ANO2: variants seen among roughly 807,000 people sequenced by gnomAD.
The protein encoded by ANO2 is anoctamin 2.
Under a neutral mutation model 124.2 loss-of-function variants are expected in ANO2, and 101 were observed. The ratio of observed to expected loss-of-function variants is 0.81; its 90% CI spans 0.69 to 0.96. The LOEUF (loss-of-function observed/expected upper bound fraction) is 0.96, where lower values mean the gene tolerates loss of function less well. ANO2 is among the 40% of genes least tolerant of loss of function. The pLI, the probability that ANO2 is intolerant of heterozygous loss-of-function variation, is 0.00. For synonymous variants in ANO2, 486 were observed against 482.5 expected, an observed-to-expected ratio of 1.01 and a Z score of -0.09; for missense variants, 1,293 against 1,274.5, an observed-to-expected ratio of 1.01 and a Z score of -0.22.
intron 4 of ANO2, among the ~76,000 whole-genome samples, chr12:5,846,403 A>G (rs565949624): frequency 7.2e-4 from 110 of 152,370 alleles, no homozygotes; most frequent in African/African-American, 2.6e-3. Flanking sequence ...GACTACTCCA[A>G]GTTATCTTAG....
intron 10 of ANO2, among the ~76,000 whole-genome samples, chr12:5,794,316 G>C (rs1210734500): frequency 6.6e-6 from 1 of 152,120 alleles, no homozygotes; most frequent in Non-Finnish European, 1.5e-5. Context: ...CTAATTCGTG[G>C]GGCAGAGCAA....
chr12:5,906,794 A>AAAATAAATAAAT (rs551277367), intron 3 of ANO2, among the ~76,000 whole-genome samples: 3 of 151,224 alleles, frequency 2.0e-5, no homozygotes, highest in African/African-American at 7.3e-5. Context: ...ACTCTGTCTC[A>AAAATAAATAAAT]AAATAAATAA....
In ANO2 at chr12:5,644,344, T is replaced by C. The variant is rs543940848; in HGVS notation, c.1620+3383A>G. On this transcript the variant is annotated intron_variant, in intron 15 of 24. Transcript: ENST00000682330. ...GTTCTTGGTTTTCTATTTTGTTCCA[T>C]TGGTCTCATCATCTCTTCTCACAAG... Among the ~76,000 whole-genome samples the C allele has an allele frequency of 2.6e-5, 4 of 152,380 alleles. No individual in the cohort carries two copies. The South Asian group carries it at 8.3e-4, about 32-fold the overall frequency.
chr12:5,827,904 G>T (rs572577939), intron 6 of ANO2, 84 bp from the exon 7 acceptor site: 8 of 1,480,066 alleles, frequency 5.4e-6, no homozygotes, highest in Non-Finnish European at 7.3e-6. Context: ...TGCCTGGCAG[G>T]GGCGGGAGGC....
intron 11 of ANO2, 81 bp from the exon 12 acceptor site, chr12:5,744,398 C>A: frequency 6.7e-7 from 1 of 1,501,694 alleles, no homozygotes; most frequent in Middle Eastern, 1.7e-4. Flanking sequence ...CAAATAGCTC[C>A]CATTTCCAAA....
intron 14 of ANO2, among the ~76,000 whole-genome samples, chr12:5,680,148 T>C (rs1948429327): frequency 6.6e-6 from 1 of 152,000 alleles, no homozygotes; most frequent in Non-Finnish European, 1.5e-5. Flanking sequence ...GTGGTTATGG[T>C]GGGAGGAAGA....
rs575653160 is a variant in ANO2 at position 5,925,384 on chromosome 12, C to T, written c.23-2580G>A. Among the ~76,000 whole-genome samples the T allele has an allele frequency of 1.4e-4, 21 of 152,300 alleles. No individual in the cohort carries two copies. The highest frequency in any genetic ancestry group is 3.9e-4 in the African/African-American group (16 of 41,552). On this transcript the variant is annotated intron_variant, in intron 1 of 24. Transcript: ENST00000682330. The surrounding 1 kb of genome is among the most constrained non-coding windows in gnomAD (Gnocchi z 4.6). The stretch of plus-strand genomic sequence containing the variant: ...CGGCTCGCTCTCTGACACACGGATC[C>T]GGCTGCCTGGGAACTCTGCTTCCCT...
At position 5,563,579 on chromosome 12, in the gene ANO2, C is replaced by T; in HGVS notation, c.2728-11G>A. ...GAACATCACGAGGTTCTGCAAAAAGCCAAGGAGAGAGGGGCTGAGTTGGAG... is the reference window on the plus strand; with the variant it reads ...GAACATCACGAGGTTCTGCAAAAAGTCAAGGAGAGAGGGGCTGAGTTGGAG... On this transcript the variant is annotated splice_polypyrimidine_tract_variant and intron_variant, in intron 24 of 24. Transcript: ENST00000682330. 1 of 1,613,054 alleles carries T rather than the reference C, an allele frequency of 6.2e-7. No individual in the cohort carries two copies. Among genetic ancestry groups the T allele is most frequent in the Non-Finnish European group, 8.5e-7 (1 of 1,179,264 alleles).
intron 10 of ANO2, among the ~76,000 whole-genome samples, chr12:5,778,691 G>A (rs1952300087): frequency 6.6e-6 from 1 of 152,192 alleles, no homozygotes; most frequent in Admixed American, 6.5e-5. Context: ...CTCAAACCAA[G>A]ACCAGTTCCA....
At chr12:5,845,307 C>T (rs1954647881) in intron 4 of ANO2, among the ~76,000 whole-genome samples, 1 of 151,700 alleles carries the variant, frequency 6.6e-6, no homozygotes, top group African/African-American at 2.4e-5. Context: ...GTGGCTCACG[C>T]CTGTAATCCC....
At chr12:5,841,222 C>CAGCG (rs1954503676) in intron 4 of ANO2, among the ~76,000 whole-genome samples, 1 of 152,204 alleles carries the variant, frequency 6.6e-6, no homozygotes, top group Non-Finnish European at 1.5e-5. Context: ...AAAAGGGAAA[C>CAGCG]AGCGCCAGGA....
At chr12:5,585,754 C>T (rs544616129) in intron 20 of ANO2, among the ~76,000 whole-genome samples, 2 of 152,032 alleles carry the variant, frequency 1.3e-5, no homozygotes, top group African/African-American at 4.8e-5. Context: ...TGCGTGAGTT[C>T]GAAGGGCAAT....
At chr12:5,920,523 G>A (rs1285992552) in intron 3 of ANO2, among the ~76,000 whole-genome samples, 4 of 152,070 alleles carry the variant, frequency 2.6e-5, no homozygotes, top group African/African-American at 9.7e-5. Flanking sequence ...CCCCTAATCA[G>A]GACCACTAGC....
rs573267018 is a variant in ANO2 at position 5,682,902 on chromosome 12, C to T, written c.1546-35101G>A. On this transcript the variant is annotated intron_variant, in intron 14 of 24. Transcript: ENST00000682330. ...AAGCTTGATCTTATTTGGAAGCAGA[C>T]GGAAGGACAAGATGATGCTGAGTTG... Among the ~76,000 whole-genome samples, 4 of 152,266 alleles carry T rather than the reference C, an allele frequency of 2.6e-5. No homozygotes were observed. In the South Asian group the frequency reaches 6.2e-4, roughly 24 times the overall value.
intron 7 of ANO2, among the ~76,000 whole-genome samples, chr12:5,811,412 A>C (rs1953386059): frequency 6.6e-6 from 1 of 152,250 alleles, no homozygotes; most frequent in South Asian, 2.1e-4. Flanking sequence ...CAGCTGGATG[A>C]ATGATAAACC....
intron 20 of ANO2, chr12:5,584,225 C>T (rs187437037): frequency 1.3e-3 from 198 of 154,126 alleles, no homozygotes; most frequent in Admixed American, 2.4e-3. Context: ...ATCCAGTGAC[C>T]ATGTGAGGGC....
intron 1 of ANO2, among the ~76,000 whole-genome samples, chr12:5,923,512 A>C (rs968594623): frequency 6.6e-5 from 10 of 152,134 alleles, no homozygotes; most frequent in African/African-American, 2.4e-4. Context: ...GGGAGAGAGC[A>C]AGGACAGACC....
chr12:5,697,221 CAGG>C (rs1481776769), intron 14 of ANO2, among the ~76,000 whole-genome samples: 1 of 151,410 alleles, frequency 6.6e-6, no homozygotes, highest in African/African-American at 2.5e-5. Context: ...ATCACAAGAT[CAGG>C]AGATCAAGAC....
At chr12:5,618,009 G>C (rs550763413) in intron 16 of ANO2, among the ~76,000 whole-genome samples, 14 of 152,316 alleles carry the variant, frequency 9.2e-5, no homozygotes, top group African/African-American at 3.1e-4. Context: ...TTGTGAAGGA[G>C]TAGGATGGTG....
Sources: allele counts gnomAD v4.1 joint callset (sites outside exome capture counted in the v4.1 genomes callset), GRCh38; gene constraint gnomAD v4.1.1; non-coding constraint Gnocchi (gnomAD v3.1); transcripts MANE v1.5; gene names NCBI Gene and HGNC (gene_info 2026-07-23, HGNC 2026-07-21).